Variants in NAALADL2 observed in about 807,000 individuals in gnomAD.
NAALADL2 encodes the protein N-acetylated alpha-linked acidic dipeptidase like 2, also known as inactive N-acetylated-alpha-linked acidic dipeptidase-like protein 2.
Under a neutral mutation model 87.2 loss-of-function variants are expected in NAALADL2, and 76 were observed. The observed-to-expected ratio is 0.87, with a 90% confidence interval of 0.72 to 1.05. The LOEUF is 1.05. Ranked by LOEUF, NAALADL2 falls within the 50% of genes least tolerant of loss-of-function variation. The pLI is 0.00. For synonymous variants in NAALADL2, 354 were observed against 331.0 expected (o/e 1.07, Z -0.75); for missense variants, 1,089 against 945.8 (o/e 1.15, Z -1.99).
At chr3:175,676,053 G>C (rs758853505) in intron 11 of NAALADL2, 5 of 152,006 alleles carry the variant, frequency 3.3e-5, no homozygotes, top group Non-Finnish European at 5.9e-5. Flanking sequence ...ATCTTAGGCA[G>C]GTAAAAACCC....
chr3:175,054,631 G>A (rs1444698115), intron 1 of NAALADL2, among the ~76,000 whole-genome samples: 1 of 152,076 alleles, frequency 6.6e-6, no homozygotes, highest in African/African-American at 2.4e-5. Flanking sequence ...ATCCAAATTG[G>A]CTTATCTGTT....
At chr3:175,661,987 G>C (rs1732324331) in intron 11 of NAALADL2, among the ~76,000 whole-genome samples, 1 of 151,692 alleles carries the variant, frequency 6.6e-6, no homozygotes, top group African/African-American at 2.4e-5. Context: ...TGTCTTTTGT[G>C]GTTCCATACA....
chr3:175,504,565 T>TTCTCTCTCTCTCTCTCTCTCTCTCTC (rs200985901), intron 9 of NAALADL2, among the ~76,000 whole-genome samples: 22 of 134,424 alleles, frequency 1.6e-4, no homozygotes, highest in Non-Finnish European at 2.4e-4. Flanking sequence ...CTCTCTCTGT[T>TTCTCTCTCTCTCTCTCTCTCTCTCTC]TCTCTCTCTC....
At chr3:174,794,765 T>A (rs1207157070) in intron 3 of NAALADL2, among the ~76,000 whole-genome samples, 12 of 152,112 alleles carry the variant, frequency 7.9e-5, no homozygotes, top group Admixed American at 3.9e-4. Context: ...ACTCTGAATA[T>A]CTGAGTCTTA....
intron 1 of NAALADL2, among the ~76,000 whole-genome samples, chr3:175,011,786 G>C (rs1749860074): frequency 6.6e-6 from 1 of 152,110 alleles, no homozygotes; most frequent in African/African-American, 2.4e-5. Flanking sequence ...GTATTACTAA[G>C]TTATGTTCCC....
At chr3:174,521,417 T>C (rs150309696) in intron 1 of NAALADL2, among the ~76,000 whole-genome samples, 1,945 of 151,572 alleles carry the variant, frequency 0.013, 36 homozygotes, top group African/African-American at 0.046. Context: ...AATACAAAAA[T>C]TAGCCGGGCG....
At chr3:174,898,138 A>AG (rs1731830947) in intron 1 of NAALADL2, among the ~76,000 whole-genome samples, 1 of 132,514 alleles carries the variant, frequency 7.5e-6, no homozygotes, top group Admixed American at 7.2e-5. Context: ...AAAAAAAAAA[A>AG]AAAAAGAAAA....
At chr3:175,167,730 C>T (rs1301689671) in intron 2 of NAALADL2, among the ~76,000 whole-genome samples, 2 of 152,084 alleles carry the variant, frequency 1.3e-5, no homozygotes, top group Non-Finnish European at 2.9e-5. Context: ...ATCCCCACTT[C>T]TCATGCTGCT....
intron 9 of NAALADL2, among the ~76,000 whole-genome samples, chr3:175,557,376 C>T (rs1310384040): frequency 6.6e-6 from 1 of 152,170 alleles, no homozygotes; most frequent in Non-Finnish European, 1.5e-5. Context: ...TTACCTCAAG[C>T]ATTTATCCTT....
At chr3:174,835,109 C>G (rs957437631) in intron 3 of NAALADL2, among the ~76,000 whole-genome samples, 1 of 151,690 alleles carries the variant, frequency 6.6e-6, no homozygotes, top group Non-Finnish European at 1.5e-5. Context: ...ACCCATGGAA[C>G]AAATTAGAAA....
At chr3:174,961,948 T>A (rs1351338836) in intron 1 of NAALADL2, among the ~76,000 whole-genome samples, 1 of 151,772 alleles carries the variant, frequency 6.6e-6, no homozygotes, top group Non-Finnish European at 1.5e-5. Context: ...CCTGCAACAC[T>A]GTAGCAGGGT....
At chr3:174,900,809 C>T (rs1300076415) in intron 1 of NAALADL2, among the ~76,000 whole-genome samples, 1 of 151,604 alleles carries the variant, frequency 6.6e-6, no homozygotes, top group Non-Finnish European at 1.5e-5. Flanking sequence ...AAAATATGCC[C>T]TTTTTAAAAG....
chr3:175,205,822 A>G (rs1740738946), intron 2 of NAALADL2, among the ~76,000 whole-genome samples: 1 of 150,074 alleles, frequency 6.7e-6, no homozygotes, highest in African/African-American at 2.5e-5. Context: ...AAGATATACA[A>G]ATGGCCAAAA....
chr3:175,296,526 C>A lies in NAALADL2; in HGVS notation c.940-27649C>A, dbSNP rs4528954. On this transcript the variant is annotated intron_variant, in intron 4 of 13. Transcript: ENST00000454872. ...GCCACCATTATAGCCCTTTGTTTTTCCCTTTACCCTGGCTGACAGGAAGCT... is the reference window on the plus strand; with the variant it reads ...GCCACCATTATAGCCCTTTGTTTTTACCTTTACCCTGGCTGACAGGAAGCT... 3.4e-3 allele frequency among the ~76,000 whole-genome samples: 521 copies of A among 152,218 alleles called. 4 individuals carry two copies. Among genetic ancestry groups the A allele is most frequent in the African/African-American group, 0.012 (497 of 41,538 alleles).
chr3:175,011,264 G>GAGAGAGAC (rs761152609), intron 1 of NAALADL2, among the ~76,000 whole-genome samples: 2 of 114,906 alleles, frequency 1.7e-5, no homozygotes, highest in Non-Finnish European at 3.4e-5. Flanking sequence ...GAGAGAGAGG[G>GAGAGAGAC]AGAGAGACAG....
At chr3:174,879,723 C>T (rs1728957390) in intron 1 of NAALADL2, among the ~76,000 whole-genome samples, 1 of 152,042 alleles carries the variant, frequency 6.6e-6, no homozygotes, top group East Asian at 1.9e-4. Flanking sequence ...ATTTTTCTTA[C>T]TCTTCTTTGT....
At chr3:174,840,205 GTA>G (rs1164534058) in intron 3 of NAALADL2, among the ~76,000 whole-genome samples, 2 of 150,904 alleles carry the variant, frequency 1.3e-5, no homozygotes, top group Non-Finnish European at 3.0e-5. Context: ...ATGTGTGTGT[GTA>G]TATATATATA....
intron 1 of NAALADL2, among the ~76,000 whole-genome samples, chr3:174,971,312 A>T (rs567636579): frequency 6.6e-6 from 1 of 152,184 alleles, no homozygotes; most frequent in Non-Finnish European, 1.5e-5. Context: ...GATTGGATTG[A>T]TATTGTTAAA....
chr3:175,186,510 G>A (rs375379928), intron 2 of NAALADL2, among the ~76,000 whole-genome samples: 2 of 152,100 alleles, frequency 1.3e-5, no homozygotes, highest in African/African-American at 2.4e-5. Flanking sequence ...AAACAACCAG[G>A]ATTAGAAAGT....
Sources: gnomAD v4.1 joint callset for allele counts (sites outside exome capture counted in the v4.1 genomes callset) on GRCh38, gnomAD v4.1.1 for gene constraint, MANE v1.5 for transcripts, NCBI Gene and HGNC (gene_info 2026-07-23, HGNC 2026-07-21) for gene names.